The following POLQ variants were observed in gnomAD, a reference collection of about 807,000 sequenced individuals.
The protein encoded by POLQ is DNA polymerase theta.
Under a neutral mutation model 259.2 loss-of-function variants are expected in POLQ, and 233 were observed. The ratio of observed to expected loss-of-function variants is 0.90; its 90% CI spans 0.81 to 1.00. The LOEUF is 1.00. Ranked by LOEUF, POLQ falls within the 50% of genes least tolerant of loss-of-function variation. The pLI, the probability that POLQ is intolerant of heterozygous loss-of-function variation, is 0.00. For synonymous variants in POLQ, 1,025 were observed against 1,048.8 expected, an observed-to-expected ratio of 0.98 and a Z score of 0.44; for missense variants, 2,871 against 3,051.6, an observed-to-expected ratio of 0.94 and a Z score of 1.39.
chr3:121,503,982 AG>A (rs1381449438), intron 12 of POLQ, among the ~76,000 whole-genome samples: 4 of 152,178 alleles, frequency 2.6e-5, no homozygotes, highest in African/African-American at 9.7e-5. Flanking sequence ...CCTCCTGAGT[AG>A]CTGGGATTAC....
intron 10 of POLQ, among the ~76,000 whole-genome samples, chr3:121,511,226 CAA>C (rs34066876): frequency 2.7e-5 from 2 of 74,930 alleles, no homozygotes; most frequent in Non-Finnish European, 2.4e-5. Context: ...ACTCCGTCTC[CAA>C]AAAAAAAAAA....
At chr3:121,525,521 G>A (rs1187284474) in intron 7 of POLQ, among the ~76,000 whole-genome samples, 1 of 152,046 alleles carries the variant, frequency 6.6e-6, no homozygotes, top group Non-Finnish European at 1.5e-5. Context: ...GGCAGTAGAG[G>A]CAGGCACGCT....
intron 6 of POLQ, among the ~76,000 whole-genome samples, chr3:121,530,021 C>T (rs892378584): frequency 2.6e-5 from 4 of 152,172 alleles, no homozygotes; most frequent in African/African-American, 9.7e-5. Flanking sequence ...ATTTACTGAG[C>T]TCCAACCCTC....
intron 12 of POLQ, among the ~76,000 whole-genome samples, chr3:121,506,917 T>C (rs1001493205): frequency 3.3e-5 from 5 of 151,988 alleles, no homozygotes; most frequent in Non-Finnish European, 7.4e-5. Context: ...GACAGAATTA[T>C]AGGTTATAAA....
chr3:121,523,129 C>T (rs1388601362), intron 7 of POLQ, among the ~76,000 whole-genome samples: 3 of 152,136 alleles, frequency 2.0e-5, no homozygotes, highest in South Asian at 2.1e-4. Flanking sequence ...AATCCTCCTA[C>T]CTCAGTCTCC....
intron 23 of POLQ, 44 bp downstream of exon 23, chr3:121,468,261 C>G (rs773146181): frequency 7.9e-6 from 12 of 1,517,642 alleles, no homozygotes; most frequent in Non-Finnish European, 1.1e-5. Flanking sequence ...GCCATTCATA[C>G]TTACAAAAGT....
intron 8 of POLQ, among the ~76,000 whole-genome samples, chr3:121,520,581 T>A (rs928733776): frequency 2.8e-4 from 43 of 152,266 alleles, no homozygotes; most frequent in African/African-American, 9.6e-4. Context: ...CTAGTATACC[T>A]CTACCTTATT....
chr3:121,482,684 T>C (rs1294937436), intron 18 of POLQ, among the ~76,000 whole-genome samples: 1 of 151,918 alleles, frequency 6.6e-6, no homozygotes, highest in African/African-American at 2.4e-5. Context: ...AGACTAGGAG[T>C]CCTGTAGTTT....
intron 26 of POLQ, among the ~76,000 whole-genome samples, chr3:121,447,757 C>T (rs2047643456): frequency 6.6e-6 from 1 of 152,156 alleles, no homozygotes; most frequent in Non-Finnish European, 1.5e-5. Context: ...AATCCCTCAG[C>T]TTTCATTTGT....
chr3:121,532,176 G>A (rs1414491913), intron 6 of POLQ, among the ~76,000 whole-genome samples: 1 of 152,110 alleles, frequency 6.6e-6, no homozygotes, highest in Non-Finnish European at 1.5e-5. Context: ...CTATTTAACA[G>A]GTGAAGATAT....
At chr3:121,476,783 G>C in intron 19 of POLQ, 50 bp from the exon 20 acceptor site, 1 of 1,278,948 alleles carries the variant, frequency 7.8e-7, no homozygotes, top group South Asian at 1.4e-5. Context: ...TAAGTGGCTA[G>C]ATCAGCAGCC....
intron 25 of POLQ, among the ~76,000 whole-genome samples, chr3:121,453,981 CAAA>C (rs1166065157): frequency 1.3e-5 from 2 of 152,120 alleles, no homozygotes; most frequent in African/African-American, 4.8e-5. Context: ...CAGCCAGAGA[CAAA>C]GGTCGGGTTA....
chr3:121,469,185 CAAA>C (rs36073350), intron 22 of POLQ, among the ~76,000 whole-genome samples: 3 of 113,224 alleles, frequency 2.6e-5, no homozygotes, highest in Admixed American at 9.5e-5. Context: ...GAGACTGTCT[CAAA>C]AAAAAAAAAA....
In POLQ at chr3:121,481,632, T is replaced by C; in HGVS notation, c.6151A>G (p.Ile2051Val). ...TGATTCATAGAGTTGAAGATGAGAA[T>C]GGACTCCACAGATGCTCTGTATCGC... ...SGRYRASVES[I>V]LIFNSMNQLN... Residue 2051 changes from isoleucine (I) to valine (V), a missense_variant, in exon 19 of 30, where the codon ATT becomes GTT. Physicochemically the swap from Ile to Val is conservative, Grantham distance 29. Transcript: ENST00000264233. 5 of 1,613,936 alleles carry C rather than the reference T, an allele frequency of 3.1e-6. No individual in the cohort carries two copies. Among genetic ancestry groups the C allele is most frequent in the Non-Finnish European group, 4.2e-6 (5 of 1,179,850 alleles).
chr3:121,473,378 C>T lies in POLQ; in HGVS notation c.6515G>A (p.Arg2172Lys). The T allele has an allele frequency of 1.9e-6, 3 of 1,614,062 alleles. No individual in the cohort carries two copies. The highest frequency in any genetic ancestry group is 1.1e-5 in the South Asian group (1 of 91,034). The part of the protein sequence containing the change: ...RRGIDNGRKL[R>K]LGRQFSTSKD... ...ACTAGTGCTGAACTGTCTTCCCAGC[C>T]TTAGCTTGCGTCCATTGTCAATCCC... The change falls in exon 21 of 30, where the codon AGG becomes AAG. Residue 2172 changes from arginine to lysine, a missense_variant. Coordinates refer to ENST00000264233, the MANE Select transcript of POLQ (RefSeq NM_199420.4).
intron 24 of POLQ, among the ~76,000 whole-genome samples, chr3:121,461,284 T>A (rs920528199): frequency 6.6e-6 from 1 of 152,218 alleles, no homozygotes; most frequent in African/African-American, 2.4e-5. Flanking sequence ...CACAGACTGC[T>A]GCACAGACTA....
At chr3:121,514,156 C>A (rs182095355) in intron 9 of POLQ, among the ~76,000 whole-genome samples, 1 of 148,756 alleles carries the variant, frequency 6.7e-6, no homozygotes, top group African/African-American at 2.5e-5. Flanking sequence ...TGGTGAAACC[C>A]CATCTCTACT....
chr3:121,436,348 G>A (rs770737587), intron 27 of POLQ, 73 bp from the exon 28 acceptor site: 106 of 1,473,648 alleles, frequency 7.2e-5, no homozygotes, highest in Middle Eastern at 3.5e-4. Flanking sequence ...AGTGTCCACA[G>A]TTCAGTGCTC....
intron 5 of POLQ, among the ~76,000 whole-genome samples, chr3:121,536,103 C>A (rs2048448847): frequency 1.3e-5 from 2 of 152,094 alleles, no homozygotes; most frequent in African/African-American, 4.8e-5. Context: ...TTATTAATTT[C>A]AGAGAAAACA....
Sources: gnomAD v4.1 joint callset for allele counts (sites outside exome capture counted in the v4.1 genomes callset) on GRCh38, gnomAD v4.1.1 for gene constraint, MANE v1.5 for transcripts, NCBI Gene and HGNC (gene_info 2026-07-23, HGNC 2026-07-21) for gene names.